The following KCND2 variants were observed in gnomAD, a reference collection of about 807,000 sequenced individuals.
KCND2 encodes potassium voltage-gated channel subfamily D member 2, also known as A-type voltage-gated potassium channel KCND2.
KCND2 carries 16 observed loss-of-function variants against 54.4 expected under a neutral mutation model. The observed-to-expected ratio is 0.29, with a 90% CI of 0.20 to 0.45. The LOEUF (loss-of-function observed/expected upper bound fraction) is 0.45. Among genes scored for constraint, KCND2 ranks in the 20% least tolerant of loss-of-function variants. The probability of loss-of-function intolerance (pLI) is 1.00; values close to 1 mark genes in which losing one functional copy is unlikely to be tolerated. For missense variants in KCND2, 486 were observed against 824.2 expected, an observed-to-expected ratio of 0.59 and a Z score of 5.02; for synonymous variants, 317 against 310.7, an observed-to-expected ratio of 1.02 and a Z score of -0.21.
At position 120,517,155 on chromosome 7, in the gene KCND2, C is replaced by A. The variant is rs529372288; in HGVS notation, c.1116-215748C>A. On this transcript the variant is annotated intron_variant, in intron 1 of 5. Coordinates refer to ENST00000331113, the MANE Select transcript of KCND2 (RefSeq NM_012281.3). ...GTAACCTCATTGTACATTTAAAAAG[C>A]AATTCCATTTACCAAAATTGGATTT... is the stretch of plus-strand genomic sequence containing the variant. Among the ~76,000 whole-genome samples, 10 of 152,110 alleles carry A rather than the reference C, an allele frequency of 6.6e-5. No individual in the cohort carries two copies. In the South Asian group the frequency reaches 1.2e-3, roughly 19 times the overall value.
intron 1 of KCND2, among the ~76,000 whole-genome samples, chr7:120,284,793 C>A (rs1799315752): frequency 6.6e-6 from 1 of 152,162 alleles, no homozygotes. Context: ...CTTTACAGCA[C>A]AATACACTGG....
At chr7:120,454,001 A>G (rs1476645602) in intron 1 of KCND2, among the ~76,000 whole-genome samples, 1 of 152,078 alleles carries the variant, frequency 6.6e-6, no homozygotes, top group African/African-American at 2.4e-5. Context: ...GGAGAATGGC[A>G]TGAACCCAGG....
At chr7:120,655,969 C>T (rs1323109035) in intron 1 of KCND2, among the ~76,000 whole-genome samples, 2 of 152,120 alleles carry the variant, frequency 1.3e-5, no homozygotes, top group Non-Finnish European at 1.5e-5. Flanking sequence ...ACTCAATCTA[C>T]AAGCTTTCCT....
At chr7:120,476,916 A>G (rs146555770) in intron 1 of KCND2, among the ~76,000 whole-genome samples, 1 of 152,314 alleles carries the variant, frequency 6.6e-6, no homozygotes, top group Non-Finnish European at 1.5e-5. Context: ...TAACTTTTCC[A>G]AATGCCAGCA....
chr7:120,487,279 A>G (rs1468111181), intron 1 of KCND2, among the ~76,000 whole-genome samples: 3 of 152,200 alleles, frequency 2.0e-5, no homozygotes, highest in Admixed American at 6.5e-5. Context: ...GACAAGCAAC[A>G]ATTTAGCTCT....
intron 1 of KCND2, among the ~76,000 whole-genome samples, chr7:120,374,908 A>G (rs1027000050): frequency 6.6e-6 from 1 of 151,794 alleles, no homozygotes; most frequent in Non-Finnish European, 1.5e-5. Flanking sequence ...TCTTGTATTT[A>G]GGCCAAACCA....
chr7:120,684,498 A>C (rs1422197222), intron 1 of KCND2, among the ~76,000 whole-genome samples: 1 of 152,200 alleles, frequency 6.6e-6, no homozygotes, highest in Non-Finnish European at 1.5e-5. Context: ...AGGATATTGT[A>C]ATACAAGCAA....
At chr7:120,590,887 A>AT (rs890751985) in intron 1 of KCND2, among the ~76,000 whole-genome samples, 2 of 151,872 alleles carry the variant, frequency 1.3e-5, no homozygotes, top group African/African-American at 2.4e-5. Flanking sequence ...TCATCAGAGA[A>AT]TTTTTTTTAT....
chr7:120,342,453 T>A (rs890118902), intron 1 of KCND2, among the ~76,000 whole-genome samples: 9 of 152,174 alleles, frequency 5.9e-5, no homozygotes, highest in African/African-American at 1.9e-4. Context: ...TCACCAACGA[T>A]AAATGATTCA....
chr7:120,670,788 T>C lies in KCND2; in HGVS notation c.1116-62115T>C, dbSNP rs55720297. Among the ~76,000 whole-genome samples the C allele has an allele frequency of 8.9e-3, 1,344 of 151,634 alleles. 27 individuals carry two copies. The highest frequency in any genetic ancestry group is 0.031 in the African/African-American group (1,276 of 41,378). Reference sequence around the variant, plus strand: ...AAAATTCGCCAGGCGTGGTGGCGGGTGCCTGTAGTCCCAGCTACTCGAGAG... The same window carrying C: ...AAAATTCGCCAGGCGTGGTGGCGGGCGCCTGTAGTCCCAGCTACTCGAGAG... On this transcript the variant is annotated intron_variant, in intron 1 of 5. Coordinates refer to ENST00000331113, the MANE Select transcript of KCND2 (RefSeq NM_012281.3).
At chr7:120,579,157 AAG>A (rs951349028) in intron 1 of KCND2, among the ~76,000 whole-genome samples, 1 of 152,188 alleles carries the variant, frequency 6.6e-6, no homozygotes, top group African/African-American at 2.4e-5. Context: ...AAACTATAGA[AAG>A]AGGATAGAGA....
At chr7:120,351,501 A>G (rs901240476) in intron 1 of KCND2, among the ~76,000 whole-genome samples, 1 of 150,932 alleles carries the variant, frequency 6.6e-6, no homozygotes, top group East Asian at 2.0e-4. Flanking sequence ...AACAAACACA[A>G]TGTGCACCAG....
At chr7:120,462,187 C>T (rs1023714864) in intron 1 of KCND2, among the ~76,000 whole-genome samples, 2 of 150,488 alleles carry the variant, frequency 1.3e-5, no homozygotes, top group Admixed American at 6.6e-5. Context: ...CCATAAAATC[C>T]TTCCCCAAAA....
chr7:120,548,860 C>T (rs1792073628), intron 1 of KCND2, among the ~76,000 whole-genome samples: 2 of 152,054 alleles, frequency 1.3e-5, no homozygotes, highest in Non-Finnish European at 2.9e-5. Context: ...ACCAGAGAGG[C>T]TGACAAGGCA....
intron 1 of KCND2, among the ~76,000 whole-genome samples, chr7:120,382,129 T>C (rs2116029116): frequency 6.6e-6 from 1 of 152,030 alleles, no homozygotes; most frequent in South Asian, 2.1e-4. Flanking sequence ...GAAAGTGTTG[T>C]TTTCCTTTCT....
intron 1 of KCND2, among the ~76,000 whole-genome samples, chr7:120,662,000 G>C (rs191605377): frequency 6.6e-6 from 1 of 152,214 alleles, no homozygotes; most frequent in Non-Finnish European, 1.5e-5. Flanking sequence ...CTGTACAATT[G>C]CCTTTCCTTT....
In KCND2 at chr7:120,568,354, A is replaced by G. The variant is rs2116422083; in HGVS notation, c.1116-164549A>G. ...CAGATTCCTATTTATACTTAGCAAA[A>G]TGTACAATTTCATTATTAGGATAAA... On this transcript the variant is annotated intron_variant, in intron 1 of 5. Transcript: ENST00000331113. Among the ~76,000 whole-genome samples, 3 of 152,206 alleles carry G rather than the reference A, an allele frequency of 2.0e-5. No homozygotes were observed. The South Asian group carries it at 6.2e-4, about 32-fold the overall frequency.
At chr7:120,742,260 T>G (rs972046931) in intron 3 of KCND2, 1 of 458,466 alleles carries the variant, frequency 2.2e-6, no homozygotes, top group Non-Finnish European at 4.0e-6. Context: ...TAGTTGCTAG[T>G]TGAATGAGTA....
At chr7:120,440,154 TTTA>T (rs1427698419) in intron 1 of KCND2, among the ~76,000 whole-genome samples, 1 of 152,020 alleles carries the variant, frequency 6.6e-6, no homozygotes, top group Non-Finnish European at 1.5e-5. Context: ...CTCACCAGCA[TTTA>T]TTATTTGTTT....
Sources: gnomAD v4.1 joint callset for allele counts (sites outside exome capture counted in the v4.1 genomes callset) on GRCh38, gnomAD v4.1.1 for gene constraint, MANE v1.5 for transcripts, NCBI Gene and HGNC (gene_info 2026-07-23, HGNC 2026-07-21) for gene names.